Variants in SCMH1 observed in about 807,000 individuals in gnomAD.
SCMH1 encodes polycomb protein SCMH1.
SCMH1 carries 37 observed loss-of-function variants against 70.8 expected under a neutral mutation model. That is an observed-to-expected ratio of 0.52 (90% CI 0.40 to 0.69). The LOEUF (loss-of-function observed/expected upper bound fraction) is 0.69, where lower values mean the gene tolerates loss of function less well. Among genes scored for constraint, SCMH1 ranks in the 30% least tolerant of loss-of-function variants. The pLI is 0.00. For missense variants in SCMH1, 607 were observed against 827.3 expected, an observed-to-expected ratio of 0.73 and a Z score of 3.27; for synonymous variants, 292 against 307.4, an observed-to-expected ratio of 0.95 and a Z score of 0.52.
chr1:41,135,225 T>G (rs1643084627), intron 6 of SCMH1, among the ~76,000 whole-genome samples: 1 of 152,110 alleles, frequency 6.6e-6, no homozygotes, highest in African/African-American at 2.4e-5. Flanking sequence ...CTTTCCTACT[T>G]TTTCTGTGAT....
intron 6 of SCMH1, among the ~76,000 whole-genome samples, chr1:41,136,173 T>A (rs1643281240): frequency 6.6e-6 from 1 of 152,108 alleles, no homozygotes; most frequent in African/African-American, 2.4e-5. Context: ...CTCAAACTTC[T>A]GAGCTCAAGC....
chr1:41,095,053 A>AT (rs1664722310), intron 8 of SCMH1, among the ~76,000 whole-genome samples: 1 of 151,594 alleles, frequency 6.6e-6, no homozygotes, highest in Admixed American at 6.6e-5. Context: ...ACCTGTCTTT[A>AT]TTTTTTCTCC....
At chr1:41,167,888 A>G (rs1026493541) in intron 2 of SCMH1, among the ~76,000 whole-genome samples, 2 of 142,700 alleles carry the variant, frequency 1.4e-5, no homozygotes, top group African/African-American at 2.6e-5. Context: ...TGCTGGGTAT[A>G]GTATGCTTTG....
chr1:41,040,100 T>C (rs148136962), intron 12 of SCMH1, among the ~76,000 whole-genome samples: 78 of 152,202 alleles, frequency 5.1e-4, no homozygotes, highest in Middle Eastern at 3.4e-3. Context: ...ATCTATAAAA[T>C]GGAGAGGAAA....
At chr1:41,093,087 G>A (rs1288616681) in intron 8 of SCMH1, among the ~76,000 whole-genome samples, 2 of 151,882 alleles carry the variant, frequency 1.3e-5, no homozygotes, top group Non-Finnish European at 2.9e-5. Flanking sequence ...TGTTTATTGC[G>A]GCACTATTCA....
At chr1:41,117,337 TGCGA>T (rs1470200668) in intron 6 of SCMH1, among the ~76,000 whole-genome samples, 1 of 151,316 alleles carries the variant, frequency 6.6e-6, no homozygotes, top group Non-Finnish European at 1.5e-5. Context: ...AAGACAAGAG[TGCGA>T]GCCTTCTGTT....
chr1:41,108,378 A>T (rs573688777), intron 8 of SCMH1, among the ~76,000 whole-genome samples: 1 of 152,266 alleles, frequency 6.6e-6, no homozygotes, highest in Non-Finnish European at 1.5e-5. Flanking sequence ...GCCTGAAATC[A>T]GAGCAAGGGG....
intron 10 of SCMH1, among the ~76,000 whole-genome samples, chr1:41,058,375 C>CTTTTTTTTTTTTTTTT (rs1252087982): frequency 1.5e-4 from 6 of 38,992 alleles, no homozygotes; most frequent in Non-Finnish European, 2.6e-4. Flanking sequence ...CATTTTCTTT[C>CTTTTTTTTTTTTTTTT]TTGTTTTTTT....
At chr1:41,120,316 C>T (rs1671607952) in intron 6 of SCMH1, among the ~76,000 whole-genome samples, 1 of 152,076 alleles carries the variant, frequency 6.6e-6, no homozygotes, top group African/African-American at 2.4e-5. Context: ...TGAATGCTTA[C>T]CATGTATTAA....
intron 8 of SCMH1, among the ~76,000 whole-genome samples, chr1:41,107,733 T>A (rs1158125207): frequency 6.6e-6 from 1 of 152,154 alleles, no homozygotes; most frequent in Non-Finnish European, 1.5e-5. Flanking sequence ...TTGGCCAGGA[T>A]GGTCTCGATC....
intron 10 of SCMH1, among the ~76,000 whole-genome samples, chr1:41,050,178 T>C (rs968894399): frequency 2.6e-5 from 4 of 152,208 alleles, no homozygotes; most frequent in African/African-American, 9.6e-5. Flanking sequence ...GAGGCAGTCC[T>C]AACAGAGTTG....
At chr1:41,150,652 T>C (rs1171329438) in intron 5 of SCMH1, among the ~76,000 whole-genome samples, 5 of 151,798 alleles carry the variant, frequency 3.3e-5, no homozygotes, top group Non-Finnish European at 5.9e-5. Context: ...GACAAAATTC[T>C]ATGGCCGGGC....
intron 12 of SCMH1, among the ~76,000 whole-genome samples, chr1:41,045,213 C>T (rs1646748413): frequency 6.6e-6 from 1 of 152,164 alleles, no homozygotes; most frequent in African/African-American, 2.4e-5. Context: ...CTCAGAGACT[C>T]TGGTACTGAA....
intron 1 of SCMH1, among the ~76,000 whole-genome samples, chr1:41,233,764 G>T (rs1204727654): frequency 6.6e-6 from 1 of 151,958 alleles, no homozygotes; most frequent in East Asian, 1.9e-4. Context: ...CTTTCTTTTT[G>T]AAACTTACCG....
chr1:41,188,761 A>C (rs1222985000), intron 1 of SCMH1, among the ~76,000 whole-genome samples: 2 of 136,252 alleles, frequency 1.5e-5, no homozygotes, highest in African/African-American at 2.8e-5. Flanking sequence ...TTAAAAACTT[A>C]GTTACAAATT....
intron 7 of SCMH1, 82 bp downstream of exon 7, chr1:41,116,840 G>C: frequency 1.8e-6 from 2 of 1,106,918 alleles, no homozygotes; most frequent in Non-Finnish European, 2.6e-6. Context: ...GCATCTTCAG[G>C]CCATAAGTAA....
At chr1:41,100,039 G>T (rs964494534) in intron 8 of SCMH1, among the ~76,000 whole-genome samples, 8 of 152,088 alleles carry the variant, frequency 5.3e-5, no homozygotes, top group African/African-American at 1.9e-4. Context: ...AAATAAGACT[G>T]TGTCTATAGG....
chr1:41,076,855 C>T (rs1239789182), intron 8 of SCMH1, among the ~76,000 whole-genome samples: 1 of 152,054 alleles, frequency 6.6e-6, no homozygotes, highest in African/African-American at 2.4e-5. Context: ...TTGTGTAGGA[C>T]TGCAGCCTGT....
intron 8 of SCMH1, among the ~76,000 whole-genome samples, chr1:41,104,585 T>G (rs966489986): frequency 6.3e-4 from 96 of 152,328 alleles, no homozygotes; most frequent in African/African-American, 2.2e-3. Flanking sequence ...ATATCACAGG[T>G]ACCCCATCAA....
Sources: gnomAD v4.1 joint callset for allele counts (sites outside exome capture counted in the v4.1 genomes callset) on GRCh38, gnomAD v4.1.1 for gene constraint, MANE v1.5 for transcripts, NCBI Gene and HGNC (gene_info 2026-07-23, HGNC 2026-07-21) for gene names.